Variants in ADAMTS1 observed in about 807,000 individuals in gnomAD.
ADAMTS1 encodes the protein ADAM metallopeptidase with thrombospondin type 1 motif 1.
Under a neutral mutation model 87.9 loss-of-function variants are expected in ADAMTS1, and 19 were observed. The observed-to-expected ratio is 0.22, with a 90% CI of 0.15 to 0.32. The LOEUF (loss-of-function observed/expected upper bound fraction) is 0.32. ADAMTS1 is among the 10% of genes least tolerant of loss of function. The pLI is 1.00. For synonymous variants in ADAMTS1, 542 were observed against 501.8 expected (o/e 1.08, Z -1.07); for missense variants, 1,240 against 1,259.1 (o/e 0.98, Z 0.23).
In ADAMTS1 at chr21:26,844,490, C is replaced by T. The variant is rs1472409937; in HGVS notation, c.465G>A (p.Ala155=). ...CGGCGGGCAGCGGCTGGATGAAATA[C>T]GCCTCCCCCAGCAGGTAGAAGGCGC... ...VRGAFYLLGE[A]YFIQPLPAAS... is the part of the protein sequence containing the mutation. Residue 155 remains alanine (A), a synonymous_variant, in exon 1 of 9, where the codon GCG becomes GCA. Coordinates refer to ENST00000284984, the MANE Select transcript of ADAMTS1 (RefSeq NM_006988.5). 1 of 1,591,830 alleles carries T rather than the reference C, an allele frequency of 6.3e-7. No homozygotes were observed. The highest frequency in any genetic ancestry group is 8.5e-7 in the Non-Finnish European group (1 of 1,169,820).
chr21:26,840,017 G>A lies in ADAMTS1; in HGVS notation c.1710C>T (p.Asp570=), dbSNP rs201386959. 8 of 1,613,988 alleles carry A rather than the reference G, an allele frequency of 5.0e-6. No homozygotes were observed. The highest frequency in any genetic ancestry group is 1.1e-5 in the South Asian group (1 of 91,072). Reference sequence around the variant, plus strand: ...CTCCTCCACCGCACGTTCTCGAACAGTCTCCCCAAGGCCCCCACATTCCCC... The same window carrying A: ...CTCCTCCACCGCACGTTCTCGAACAATCTCCCCAAGGCCCCCACATTCCCC... ...GSWGMWGPWG[D]CSRTCGGGVQ... Residue 570 remains aspartate (D), a synonymous_variant, in exon 6 of 9, where the codon GAC becomes GAT. Coordinates refer to ENST00000284984, the MANE Select transcript of ADAMTS1 (RefSeq NM_006988.5).
At chr21:26,844,107 T>G in intron 1 of ADAMTS1, 118 bp downstream of exon 1, 1 of 1,320,022 alleles carries the variant, frequency 7.6e-7, no homozygotes, top group Non-Finnish European at 1.0e-6. Flanking sequence ...CAGGCCTCCG[T>G]TCTGTCCGCG....
Position 26,842,347 on chromosome 21 carries a change from T to C in ADAMTS1, c.1069A>G (p.Thr357Ala), listed in dbSNP as rs1237835452. ...TACCATCTTCCTCTTACCTGTCTGG[T>C]GAAAAGAATTGCTGTGTCATAGTGC... ...AEHYDTAILF[T>A]RQDLCGSQTC... The change falls in exon 2 of 9, where the codon ACC (threonine) becomes GCC (alanine). Residue 357 changes from threonine (T) to alanine (A), a missense_variant. This residue lies in a region of ADAMTS1 where 317 missense variants were observed against 410.3 expected (regional missense o/e 0.77). Coordinates refer to ENST00000284984, the MANE Select transcript of ADAMTS1 (RefSeq NM_006988.5). 2 of 1,613,640 alleles carry C rather than the reference T, an allele frequency of 1.2e-6. No homozygotes were observed. Among genetic ancestry groups the C allele is most frequent in the Admixed American group, 3.3e-5 (2 of 59,998 alleles).
chr21:26,839,704 A>G lies in ADAMTS1; in HGVS notation c.1911T>C (p.Phe637=). 1 of 1,613,522 alleles carries G rather than the reference A, an allele frequency of 6.2e-7. No homozygotes were observed. Among genetic ancestry groups the G allele is most frequent in the Non-Finnish European group, 8.5e-7 (1 of 1,179,446 alleles). Residue 637 remains phenylalanine, a synonymous_variant, in exon 7 of 9, where the codon TTT becomes TTC. Transcript: ENST00000284984. ...TCCATTCCACCGCAGGCCCACTCCC[A>G]AAGGAAGCTTTTGAAAACTCGTTGT... is the stretch of plus-strand genomic sequence containing the variant. ...EAHNEFSKAS[F]GSGPAVEWIP...
Position 26,842,611 on chromosome 21 carries a change from A to G in ADAMTS1, c.805T>C (p.Ser269Pro). Residue 269 changes from serine to proline, a missense_variant, in exon 2 of 9, where the codon TCG becomes CCG. This residue lies in a region of ADAMTS1 where 521 missense variants were observed against 449.7 expected (regional missense o/e 1.16). Coordinates refer to ENST00000284984, the MANE Select transcript of ADAMTS1 (RefSeq NM_006988.5). ...CCACTGCCGTGGAATTCTGCCATCG[A>G]CTGGTCTGCCACAAGCATGGTTTCC... ...YVETMLVADQ[S>P]MAEFHGSGLK... The G allele has an allele frequency of 1.9e-6, 3 of 1,614,030 alleles. No homozygotes were observed. Among genetic ancestry groups the G allele is most frequent in the Non-Finnish European group, 1.7e-6 (2 of 1,180,012 alleles).
intron 1 of ADAMTS1, chr21:26,843,674 A>G (rs1601924256): frequency 2.1e-6 from 1 of 477,876 alleles, no homozygotes; most frequent in Non-Finnish European, 4.3e-6. Context: ...CGCCTGGGTC[A>G]GCCTTATAAG....
In ADAMTS1 at chr21:26,841,182, A is replaced by G; in HGVS notation, c.1211-17T>C. ...ACACGTGGCCTAGGAAGCAATCCAG[A>G]ACCCACATTAAAGTATGGATCATGG... On this transcript the variant is annotated splice_polypyrimidine_tract_variant and intron_variant, in intron 3 of 8. Coordinates refer to ENST00000284984, the MANE Select transcript of ADAMTS1 (RefSeq NM_006988.5). The G allele has an allele frequency of 6.2e-7, 1 of 1,612,790 alleles. No homozygotes were observed. Among genetic ancestry groups the G allele is most frequent in the Non-Finnish European group, 8.5e-7 (1 of 1,179,080 alleles).
At position 26,838,235 on chromosome 21, in the gene ADAMTS1, T is replaced by C; in HGVS notation, c.2248A>G (p.Asn750Asp). 5 of 1,613,226 alleles carry C rather than the reference T, an allele frequency of 3.1e-6. No individual in the cohort carries two copies. Among genetic ancestry groups the C allele is most frequent in the Non-Finnish European group, 3.4e-6 (4 of 1,179,400 alleles). Residue 750 changes from asparagine to aspartate, a missense_variant, in exon 9 of 9, where the codon AAC becomes GAC. By Grantham distance (23) the Asn-to-Asp change is conservative. Transcript: ENST00000284984. ...DIITIPTGAT[N>D]IEVKQRNQRG... ...TGGTTCCGCTGTTTCACTTCGATGTTGGTGGCTCCAGTTGGAATTGTGATG... is the reference window on the plus strand; with the variant it reads ...TGGTTCCGCTGTTTCACTTCGATGTCGGTGGCTCCAGTTGGAATTGTGATG...
At position 26,844,647 on chromosome 21, in the gene ADAMTS1, T is replaced by G; in HGVS notation, c.308A>C (p.Gln103Pro). ...SSFLAPGFTL[Q>P]NVGRKSGSET... is the part of the protein sequence containing the mutation. ...GGACCCGGATTTGCGCCCCACGTTCTGGAGCGTGAAGCCGGGCGCCAAAAA... is the reference window on the plus strand; with the variant it reads ...GGACCCGGATTTGCGCCCCACGTTCGGGAGCGTGAAGCCGGGCGCCAAAAA... The change falls in exon 1 of 9, where the codon CAG becomes CCG. Residue 103 changes from glutamine to proline, a missense_variant. Gln to Pro is a moderately conservative substitution (Grantham distance 76). This residue lies in a region of ADAMTS1 where 521 missense variants were observed against 449.7 expected (regional missense o/e 1.16). Transcript: ENST00000284984. 1 of 1,603,894 alleles carries G rather than the reference T, an allele frequency of 6.2e-7. No homozygotes were observed. Among genetic ancestry groups the G allele is most frequent in the Non-Finnish European group, 8.5e-7 (1 of 1,175,542 alleles).
intron 3 of ADAMTS1, 154 bp downstream of exon 3, chr21:26,841,704 A>C: frequency 1.2e-6 from 1 of 824,232 alleles, no homozygotes; most frequent in Middle Eastern, 2.9e-4. Flanking sequence ...AATAAAAATG[A>C]CCATGTTTGA....
In ADAMTS1 at chr21:26,838,537, A is replaced by C. The variant is rs1432568889; in HGVS notation, c.2106T>G (p.Asp702Glu). 2 of 1,614,088 alleles carry C rather than the reference A, an allele frequency of 1.2e-6. No individual in the cohort carries two copies. Among genetic ancestry groups the C allele is most frequent in the African/African-American group, 2.7e-5 (2 of 74,930 alleles). Reference sequence around the variant, plus strand: ...ACTTCTTTTTGGAGTCTATGATGCGATCACAACCAGCTTTTACACACTGTC... The same window carrying C: ...ACTTCTTTTTGGAGTCTATGATGCGCTCACAACCAGCTTTTACACACTGTC... ...VQGQCVKAGC[D>E]RIIDSKKKFD... Residue 702 changes from aspartate (D) to glutamate (E), a missense_variant, in exon 8 of 9, where the codon GAT (aspartate) becomes GAG (glutamate). Asp to Glu is a conservative substitution (Grantham distance 45). Transcript: ENST00000284984.
chr21:26,840,537 C>T lies in ADAMTS1; in HGVS notation c.1404G>A (p.Gln468=), dbSNP rs750529540. 1 of 1,614,098 alleles carries T rather than the reference C, an allele frequency of 6.2e-7. No individual in the cohort carries two copies. The highest frequency in any genetic ancestry group is 1.7e-5 in the Admixed American group (1 of 60,024). ...GHGECLMDKP[Q]NPIQLPGDLP... ...GATCGCCTGGGAGCTGTATGGGATT[C>T]TGAGGCTTGTCCATCAAACATTCCC... Residue 468 remains glutamine (Q), a synonymous_variant, in exon 5 of 9, where the codon CAG becomes CAA. Coordinates refer to ENST00000284984, the MANE Select transcript of ADAMTS1 (RefSeq NM_006988.5).
chr21:26,840,234 T>C (rs1295362370), intron 5 of ADAMTS1, 42 bp downstream of exon 5: 1 of 1,593,706 alleles, frequency 6.3e-7, no homozygotes, highest in Admixed American at 1.7e-5. Flanking sequence ...ACCATCACTT[T>C]GTTCTTTTCA....
Position 26,839,682 on chromosome 21 carries a change from A to T in ADAMTS1, c.1933T>A (p.Trp645Arg), listed in dbSNP as rs1215015839. The T allele has an allele frequency of 3.7e-6, 6 of 1,613,996 alleles. No homozygotes were observed. Among genetic ancestry groups the T allele is most frequent in the Non-Finnish European group, 5.1e-6 (6 of 1,179,890 alleles). ...GAGACGCCAGCGTACTTGGGAATCC[A>T]TTCCACCGCAGGCCCACTCCCAAAG... ...ASFGSGPAVE[W>R]IPKYAGVSPK... is the part of the protein sequence containing the mutation. Residue 645 changes from tryptophan to arginine, a missense_variant, in exon 7 of 9, where the codon TGG becomes AGG. Trp to Arg is a moderately radical substitution (Grantham distance 101, BLOSUM62 -3). Around this residue, in one of 3 missense-constraint regions of ADAMTS1, gnomAD observed 402 missense variants for 399.1 expected, o/e 1.01. Transcript: ENST00000284984.
In ADAMTS1 at chr21:26,843,628, A is replaced by G. The variant is rs571699191; in HGVS notation, c.730+597T>C. ...GGGCAAACCCGGGAAAGACCTCCCA[A>G]GCAGGTTCTGCGAAGGGGCCCCACC... On this transcript the variant is annotated intron_variant, in intron 1 of 8. Transcript: ENST00000284984. 36 of 462,356 alleles carry G rather than the reference A, an allele frequency of 7.8e-5. No individual in the cohort carries two copies. The East Asian group carries it at 2.4e-3, about 31-fold the overall frequency. The allele number at this position is 462,356 out of a possible 1,614,324, so 28.6% of individuals were successfully genotyped here. A position where few individuals can be genotyped will look rare whatever the true frequency, so the allele number is the denominator to read the frequency against.
chr21:26,844,981 G>C lies in ADAMTS1; in HGVS notation c.-27C>G, dbSNP rs1292985587. ...GGAGCCCCAGGAGACACCGCTCGTA[G>C]CAGCGCACGGAGCGAGGGACCTTTA... On this transcript the variant is annotated 5_prime_UTR_variant, in exon 1 of 9. Coordinates refer to ENST00000284984, the MANE Select transcript of ADAMTS1 (RefSeq NM_006988.5). The C allele has an allele frequency of 2.7e-6, 4 of 1,493,804 alleles. No individual in the cohort carries two copies. The highest frequency in any genetic ancestry group is 1.8e-4 in the Middle Eastern group (1 of 5,554). The allele number at this position is 1,493,804 out of a possible 1,614,324, so 92.5% of individuals were successfully genotyped here.
chr21:26,838,360 T>A (rs1985420371), intron 8 of ADAMTS1, 79 bp downstream of exon 8: 1 of 1,582,700 alleles, frequency 6.3e-7, no homozygotes, highest in Non-Finnish European at 8.6e-7. Flanking sequence ...TAATCTTTTA[T>A]GAGACATATT....
Position 26,842,323 on chromosome 21 carries a change from A to C in ADAMTS1, c.1077+16T>G. ...CTAAGAGGACAGTCTCACAGCTGGT[A>C]CCATCTTCCTCTTACCTGTCTGGTG... is the stretch of plus-strand genomic sequence containing the variant. On this transcript the variant is annotated intron_variant, in intron 2 of 8. Transcript: ENST00000284984. 1 of 1,608,856 alleles carries C rather than the reference A, an allele frequency of 6.2e-7. No individual in the cohort carries two copies. Among genetic ancestry groups the C allele is most frequent in the Non-Finnish European group, 8.5e-7 (1 of 1,176,364 alleles).
chr21:26,845,142 T>A lies in ADAMTS1; in HGVS notation c.-188A>T. ...GAGTCACTAAAAGGAGGCGCTGCAGTTCTGCCGGCGCGCGGGAAGTTTTTC... is the reference window on the plus strand; with the variant it reads ...GAGTCACTAAAAGGAGGCGCTGCAGATCTGCCGGCGCGCGGGAAGTTTTTC... On this transcript the variant is annotated 5_prime_UTR_variant, in exon 1 of 9. Coordinates refer to ENST00000284984, the MANE Select transcript of ADAMTS1 (RefSeq NM_006988.5). 1.3e-6 allele frequency: 1 copy of A among 749,924 alleles called. No homozygotes were observed. Among genetic ancestry groups the A allele is most frequent in the Non-Finnish European group, 1.8e-6 (1 of 542,994 alleles). 46.5% of individuals were successfully genotyped at this position (749,924 alleles called of 1,614,324 possible). A position where few individuals can be genotyped will look rare whatever the true frequency, so the allele number is the denominator to read the frequency against.
Sources: gnomAD v4.1 joint callset for allele counts on GRCh38, gnomAD v4.1.1 for gene constraint, gnomAD v4.1.1 regional missense constraint, MANE v1.5 for transcripts, NCBI Gene and HGNC (gene_info 2026-07-23, HGNC 2026-07-21) for gene names.